DPP10: variants seen among roughly 807,000 people sequenced by gnomAD.
DPP10 encodes inactive dipeptidyl peptidase 10.
DPP10 carries 33 observed loss-of-function variants against 120.9 expected under a neutral mutation model. That is an observed-to-expected ratio of 0.27 (90% CI 0.21 to 0.37). DPP10 has a LOEUF of 0.37. Among genes scored for constraint, DPP10 ranks in the 10% least tolerant of loss-of-function variants. DPP10 has a pLI of 1.00. For synonymous variants in DPP10, 337 were observed against 326.1 expected (o/e 1.03, Z -0.36); for missense variants, 816 against 942.8 (o/e 0.87, Z 1.76).
chr2:114,589,044 G>A (rs1050726191), intron 1 of DPP10, among the ~76,000 whole-genome samples: 1 of 150,662 alleles, frequency 6.6e-6, no homozygotes, highest in African/African-American at 2.4e-5. Context: ...TTTTGGGGGG[G>A]GGGGTAGGGG....
intron 1 of DPP10, among the ~76,000 whole-genome samples, chr2:114,863,223 T>C (rs911165891): frequency 6.6e-6 from 1 of 152,214 alleles, no homozygotes; most frequent in Non-Finnish European, 1.5e-5. Flanking sequence ...ATTGACCAAC[T>C]TCATGGGTAA....
At chr2:115,420,387 AAATC>A (rs1048948310) in intron 3 of DPP10, among the ~76,000 whole-genome samples, 19 of 152,194 alleles carry the variant, frequency 1.2e-4, no homozygotes, top group African/African-American at 4.1e-4. Context: ...GGCTAAAACA[AAATC>A]AATTTATCCA....
At chr2:115,281,794 A>G (rs1288704025) in intron 1 of DPP10, among the ~76,000 whole-genome samples, 3 of 152,188 alleles carry the variant, frequency 2.0e-5, no homozygotes, top group Non-Finnish European at 4.4e-5. Context: ...ATCTTAAAAC[A>G]TTATAAAGTT....
At chr2:115,826,676 A>G (rs1313873944) in intron 21 of DPP10, among the ~76,000 whole-genome samples, 3 of 152,196 alleles carry the variant, frequency 2.0e-5, no homozygotes, top group African/African-American at 7.2e-5. Context: ...AACAAAGATC[A>G]TGCCACTGCA....
At chr2:115,325,877 G>A (rs2062332777) in intron 2 of DPP10, among the ~76,000 whole-genome samples, 1 of 151,998 alleles carries the variant, frequency 6.6e-6, no homozygotes, top group African/African-American at 2.4e-5. Context: ...CAGAAATTCT[G>A]ACCTGATAAA....
intron 1 of DPP10, among the ~76,000 whole-genome samples, chr2:114,994,014 T>C (rs9308705): frequency 0.98 from 149,206 of 152,194 alleles, 73,210 homozygotes; most frequent in Middle Eastern, 1. Context: ...CTTTCCATTA[T>C]GTTTATTCTT....
intron 7 of DPP10, among the ~76,000 whole-genome samples, chr2:115,690,329 G>A (rs898953703): frequency 6.6e-6 from 1 of 152,016 alleles, no homozygotes; most frequent in East Asian, 1.9e-4. Flanking sequence ...TCTTAAGAGA[G>A]GATTTTTACT....
At chr2:115,732,923 G>C (rs1181229000) in intron 8 of DPP10, among the ~76,000 whole-genome samples, 2 of 152,120 alleles carry the variant, frequency 1.3e-5, no homozygotes, top group Non-Finnish European at 2.9e-5. Context: ...TTCCAACTTA[G>C]TGTAGTGATA....
At chr2:115,246,010 G>T (rs1041047263) in intron 1 of DPP10, among the ~76,000 whole-genome samples, 1 of 152,046 alleles carries the variant, frequency 6.6e-6, no homozygotes, top group African/African-American at 2.4e-5. Context: ...GTGCTTATAT[G>T]TGATGTCAGA....
intron 1 of DPP10, among the ~76,000 whole-genome samples, chr2:114,748,350 T>A (rs991795792): frequency 1.0e-4 from 12 of 119,854 alleles, no homozygotes; most frequent in Non-Finnish European, 1.9e-4. Context: ...TTTTTTTTTT[T>A]ATTTTTTTTT....
chr2:115,623,708 A>C (rs2085147024), intron 5 of DPP10, among the ~76,000 whole-genome samples: 1 of 152,178 alleles, frequency 6.6e-6, no homozygotes, highest in African/African-American at 2.4e-5. Flanking sequence ...CACTGGTACA[A>C]GATCTGTAGT....
intron 5 of DPP10, among the ~76,000 whole-genome samples, chr2:115,683,271 A>T (rs181639688): frequency 6.6e-6 from 1 of 151,952 alleles, no homozygotes; most frequent in Admixed American, 6.6e-5. Context: ...GATTCCAACT[A>T]TATGGCATTC....
chr2:115,713,074 T>G (rs550528969), intron 7 of DPP10, among the ~76,000 whole-genome samples: 16 of 152,080 alleles, frequency 1.1e-4, no homozygotes, highest in Admixed American at 8.5e-4. Flanking sequence ...TAAATCTGAT[T>G]GGAATGAACC....
intron 1 of DPP10, among the ~76,000 whole-genome samples, chr2:114,752,062 C>T (rs1415268591): frequency 2.6e-5 from 4 of 152,180 alleles, no homozygotes; most frequent in Non-Finnish European, 1.5e-5. Flanking sequence ...ATTTATGAGG[C>T]AGTTGTCTGG....
intron 1 of DPP10, among the ~76,000 whole-genome samples, chr2:114,838,657 GA>G (rs1687925014): frequency 6.6e-6 from 1 of 151,992 alleles, no homozygotes; most frequent in South Asian, 2.1e-4. Context: ...TTAAAATACC[GA>G]AAGGTATACC....
rs533508627 is a variant in DPP10 at position 114,733,388 on chromosome 2, T to C, written c.60+290550T>C. On this transcript the variant is annotated intron_variant, in intron 1 of 25. Coordinates refer to ENST00000410059, the MANE Select transcript of DPP10 (RefSeq NM_020868.6). ...GCTGGGAATGGTGGTGATGTTCTTC[T>C]TTGTGCCAGGTCTAAATTAAAGAAT... Among the ~76,000 whole-genome samples, 2 of 152,278 alleles carry C rather than the reference T, an allele frequency of 1.3e-5. 1 individual carries two copies. Among genetic ancestry groups the C allele is most frequent in the African/African-American group, 4.8e-5 (2 of 41,568 alleles).
At chr2:114,859,679 C>T (rs988847356) in intron 1 of DPP10, among the ~76,000 whole-genome samples, 1 of 152,204 alleles carries the variant, frequency 6.6e-6, no homozygotes. Flanking sequence ...CACAGTGGCT[C>T]TCTTTGGATC....
intron 1 of DPP10, among the ~76,000 whole-genome samples, chr2:114,816,615 C>A (rs1685661632): frequency 6.6e-6 from 1 of 152,142 alleles, no homozygotes; most frequent in Admixed American, 6.5e-5. Context: ...CCTCAATTAT[C>A]TAATGTATTC....
chr2:115,047,038 T>C (rs1017259655), intron 1 of DPP10, among the ~76,000 whole-genome samples: 2 of 152,036 alleles, frequency 1.3e-5, no homozygotes, highest in African/African-American at 4.8e-5. Flanking sequence ...ACAATTGAAG[T>C]AGTATCACTC....
Sources: gnomAD v4.1 joint callset for allele counts (sites outside exome capture counted in the v4.1 genomes callset) on GRCh38, gnomAD v4.1.1 for gene constraint, MANE v1.5 for transcripts, NCBI Gene and HGNC (gene_info 2026-07-23, HGNC 2026-07-21) for gene names.